SEC16A: variants seen among roughly 807,000 people sequenced by gnomAD.
SEC16A encodes the protein protein transport protein Sec16A.
Under a neutral mutation model 221.9 loss-of-function variants are expected in SEC16A, and 110 were observed. The observed-to-expected ratio is 0.50, with a 90% CI of 0.42 to 0.58. SEC16A has a LOEUF of 0.58. Ranked by LOEUF, SEC16A falls within the 20% of genes least tolerant of loss-of-function variation. SEC16A has a pLI of 0.00. For synonymous variants in SEC16A, 1,393 were observed against 1,257.7 expected (o/e 1.11, Z -2.28); for missense variants, 3,165 against 3,097.8 (o/e 1.02, Z -0.52).
upstream of SEC16A, chr9:136,484,456 G>T: frequency 8.3e-7 from 1 of 1,205,788 alleles, no homozygotes; most frequent in Non-Finnish European, 1.1e-6. Flanking sequence ...GCCATGCCGG[G>T]CCCACTCACC....
Position 136,457,525 on chromosome 9 carries a change from G to T in SEC16A, c.5469C>A (p.Phe1823Leu). The T allele has an allele frequency of 2.5e-6, 4 of 1,610,648 alleles. No homozygotes were observed. The highest frequency in any genetic ancestry group is 2.5e-6 in the Non-Finnish European group (3 of 1,178,334). The change falls in exon 18 of 32, where the codon TTC becomes TTA. Residue 1823 changes from phenylalanine to leucine, a missense_variant. Around this residue, in one of 3 missense-constraint regions of SEC16A, gnomAD observed 1,088 missense variants for 1,089.6 expected, o/e 1.00. Coordinates refer to ENST00000684901, the MANE Select transcript of SEC16A (RefSeq NM_014866.2). Reference protein sequence around the residue: ...LAEMGLATQAFHYCEAIAKSI... With the variant: ...LAEMGLATQALHYCEAIAKSI... The stretch of plus-strand genomic sequence containing the variant: ...TCTTCGCGATGGCCTCACAGTAGTG[G>T]AAGGCTTGCGTGGCCAGCCCCATTT...
Position 136,462,065 on chromosome 9 carries a change from G to A in SEC16A, c.4894-791C>T, listed in dbSNP as rs545480316. On this transcript the variant is annotated intron_variant, in intron 12 of 31. Coordinates refer to ENST00000684901, the MANE Select transcript of SEC16A (RefSeq NM_014866.2). The stretch of plus-strand genomic sequence containing the variant: ...CGAGGCCACATTAAGCTGTGATCAC[G>A]CCACTGCACTCCAGCCTGGGCAAGA... 5.9e-5 allele frequency among the ~76,000 whole-genome samples: 9 copies of A among 152,010 alleles called. No individual in the cohort carries two copies. In the Middle Eastern group the frequency reaches 0.014, roughly 230 times the overall value.
chr9:136,457,747 G>A (rs1304038603), intron 17 of SEC16A, among the ~76,000 whole-genome samples, 163 bp from the exon 18 acceptor site: 1 of 148,176 alleles, frequency 6.7e-6, no homozygotes, highest in Non-Finnish European at 1.5e-5. Context: ...CACCCACCAC[G>A]CCCGCTGACC....
Position 136,476,095 on chromosome 9 carries a change from T to G in SEC16A, c.1521A>C (p.Gly507=). 6.2e-7 allele frequency: 1 copy of G among 1,613,604 alleles called. No homozygotes were observed. The highest frequency in any genetic ancestry group is 2.2e-5 in the East Asian group (1 of 44,890). ...VPRHGAVCHT[G]APDATLHTVH... is the part of the protein sequence containing the mutation. Reference sequence around the variant, plus strand: ...CTGTATGCAGTGTGGCATCAGGGGCTCCGGTGTGGCACACAGCACCATGCC... The same window carrying G: ...CTGTATGCAGTGTGGCATCAGGGGCGCCGGTGTGGCACACAGCACCATGCC... Residue 507 remains glycine (G), a synonymous_variant, in exon 3 of 32, where the codon GGA becomes GGC. Coordinates refer to ENST00000684901, the MANE Select transcript of SEC16A (RefSeq NM_014866.2).
At position 136,446,505 on chromosome 9, in the gene SEC16A, C is replaced by A. The variant is rs1302798283; in HGVS notation, c.6792+350G>T. 4.0e-5 allele frequency among the ~76,000 whole-genome samples: 6 copies of A among 149,080 alleles called. No homozygotes were observed. In the East Asian group the frequency reaches 9.8e-4, roughly 24 times the overall value. ...AACTTTTATTATCGGTAGGTAATTT[C>A]TCTGTAACTTAGAGTAATTAATTTT... is the stretch of plus-strand genomic sequence containing the variant. On this transcript the variant is annotated intron_variant, in intron 28 of 31. Coordinates refer to ENST00000684901, the MANE Select transcript of SEC16A (RefSeq NM_014866.2).
rs1836171387 is a variant in SEC16A, at chr9:136,441,418, G to C, written c.*337C>G. 1 of 327,228 alleles carries C rather than the reference G, an allele frequency of 3.1e-6. No homozygotes were observed. The highest frequency in any genetic ancestry group is 2.1e-5 in the African/African-American group (1 of 47,156). 20.3% of individuals were successfully genotyped at this position (327,228 alleles called of 1,614,324 possible). A position where few individuals can be genotyped will look rare whatever the true frequency, so the allele number is the denominator to read the frequency against. On this transcript the variant is annotated 3_prime_UTR_variant, in exon 32 of 32. Transcript: ENST00000684901. ...GACCATGTGGCTCTCCTGTGGCAGA[G>C]ACAGCTCCGGCTTCAATGAATGAAC...
rs3812592 is a variant in SEC16A, at chr9:136,466,695, A to G, written c.3930-233T>C. On this transcript the variant is annotated intron_variant, in intron 6 of 31. Transcript: ENST00000684901. The surrounding 1 kb of genome is among the most constrained non-coding windows in gnomAD (Gnocchi z 5.5). Reference sequence around the variant, plus strand: ...GCGCGACCGGTAAGAAGGGACGATGAGAAAGAGTGAGCCCAATCTCCCAGG... The same window carrying G: ...GCGCGACCGGTAAGAAGGGACGATGGGAAAGAGTGAGCCCAATCTCCCAGG... 0.12 allele frequency among the ~76,000 whole-genome samples: 18,294 copies of G among 152,254 alleles called. 1,412 individuals are homozygous for G. The highest frequency in any genetic ancestry group is 0.24 in the Admixed American group (3,616 of 15,304).
chr9:136,469,738 C>T (rs1012132655), intron 4 of SEC16A, among the ~76,000 whole-genome samples: 4 of 152,242 alleles, frequency 2.6e-5, no homozygotes, highest in Admixed American at 1.3e-4. Context: ...ACCCTTCCCA[C>T]GCCCCTTCAG....
chr9:136,466,404 C>A lies in SEC16A; in HGVS notation c.3988G>T (p.Asp1330Tyr), dbSNP rs188730587. 1 of 1,606,186 alleles carries A rather than the reference C, an allele frequency of 6.2e-7. No individual in the cohort carries two copies. Among genetic ancestry groups the A allele is most frequent in the Non-Finnish European group, 8.5e-7 (1 of 1,176,574 alleles). ...GGGTCTCTGTGCGGATCGGGGTCAT[C>A]GTCAAAACTCCCCGTGAAGCGAGGA... ...YDPRFTGSFD[D>Y]DPDPHRDPYG... Residue 1330 changes from aspartate (D) to tyrosine (Y), a missense_variant, in exon 7 of 32, where the codon GAT becomes TAT. Transcript: ENST00000684901. The surrounding 1 kb of genome is among the most constrained non-coding windows in gnomAD (Gnocchi z 5.5).
Position 136,467,001 on chromosome 9 carries a change from T to C in SEC16A, c.3885A>G (p.Ala1295=). Reference sequence around the variant, plus strand: ...GCTCTCTCCTGTATGCGTCATACTCTGCATCACACCAATACCTCCGGTCAT... The same window carrying C: ...GCTCTCTCCTGTATGCGTCATACTCCGCATCACACCAATACCTCCGGTCAT... ...RTYDRRYWCD[A]EYDAYRREHS... is the part of the protein sequence containing the mutation. Residue 1295 remains alanine, a synonymous_variant, in exon 6 of 32, where the codon GCA becomes GCG. Transcript: ENST00000684901. 2 of 1,613,936 alleles carry C rather than the reference T, an allele frequency of 1.2e-6. No individual in the cohort carries two copies. Among genetic ancestry groups the C allele is most frequent in the African/African-American group, 2.7e-5 (2 of 75,058 alleles).
intron 5 of SEC16A, among the ~76,000 whole-genome samples, 195 bp from the exon 6 acceptor site, chr9:136,467,278 GC>G (rs1840282055): frequency 6.6e-6 from 1 of 152,178 alleles, no homozygotes; most frequent in South Asian, 2.1e-4. Context: ...AAGGCAACTG[GC>G]TGATTTTTCT....
chr9:136,451,129 A>C (rs1588892273), intron 23 of SEC16A, 127 bp downstream of exon 23: 1 of 952,630 alleles, frequency 1.0e-6, no homozygotes, highest in African/African-American at 1.6e-5. Flanking sequence ...TGCACTGTAG[A>C]CACTCGGCTG....
At chr9:136,450,183 G>C (rs962867534) in intron 23 of SEC16A, among the ~76,000 whole-genome samples, 1 of 152,138 alleles carries the variant, frequency 6.6e-6, no homozygotes, top group African/African-American at 2.4e-5. Context: ...CAGCCTGGCT[G>C]ACAGAGTGAG....
intron 4 of SEC16A, 115 bp downstream of exon 4, chr9:136,471,860 G>C (rs1840914641): frequency 8.0e-7 from 1 of 1,251,338 alleles, no homozygotes; most frequent in Non-Finnish European, 1.1e-6. Context: ...AGATAAGTTT[G>C]TACAATTCTT....
At chr9:136,452,372 C>G (rs1480422360) in intron 22 of SEC16A, among the ~76,000 whole-genome samples, 5 of 142,024 alleles carry the variant, frequency 3.5e-5, no homozygotes, top group Non-Finnish European at 7.5e-5. Flanking sequence ...ATTGCTTAAA[C>G]CTGGGAGGCA....
intron 22 of SEC16A, among the ~76,000 whole-genome samples, chr9:136,452,450 A>AG: frequency 1.6e-5 from 1 of 64,366 alleles, no homozygotes; most frequent in Non-Finnish European, 3.2e-5. Context: ...ACTCCATCTC[A>AG]AAAAAAAAAA....
intron 3 of SEC16A, among the ~76,000 whole-genome samples, chr9:136,473,556 T>C (rs557761384): frequency 6.6e-6 from 1 of 152,266 alleles, no homozygotes; most frequent in Non-Finnish European, 1.5e-5. Flanking sequence ...CCGCCTCGCT[T>C]AGCTGATGCG....
intron 20 of SEC16A, 48 bp downstream of exon 20, chr9:136,455,553 A>G: frequency 2.0e-6 from 3 of 1,492,062 alleles, no homozygotes; most frequent in Non-Finnish European, 2.7e-6. Context: ...CTCAGCCCAC[A>G]GGAAGCAGGG....
At chr9:136,453,191 G>GT (rs528951350) in intron 22 of SEC16A, among the ~76,000 whole-genome samples, 158 of 152,086 alleles carry the variant, frequency 1.0e-3, no homozygotes, top group African/African-American at 3.4e-3. Flanking sequence ...TCTACTTAAA[G>GT]TAACTGTTTT....
Sources: allele counts gnomAD v4.1 joint callset (sites outside exome capture counted in the v4.1 genomes callset), GRCh38; gene constraint gnomAD v4.1.1; regional missense constraint gnomAD v4.1.1; non-coding constraint Gnocchi (gnomAD v3.1); transcripts MANE v1.5; gene names NCBI Gene and HGNC (gene_info 2026-07-23, HGNC 2026-07-21).